GPR161: variants seen among roughly 807,000 people sequenced by gnomAD.
GPR161 encodes the protein G-protein coupled receptor RE2.
GPR161 carries 25 observed loss-of-function variants against 39.2 expected under a neutral mutation model. That is an observed-to-expected ratio of 0.64 (90% confidence interval 0.47 to 0.89). The LOEUF (loss-of-function observed/expected upper bound fraction) is 0.89, where lower values mean the gene tolerates loss of function less well. Among genes scored for constraint, GPR161 ranks in the 40% least tolerant of loss-of-function variants. The probability of loss-of-function intolerance (pLI) is 0.00; values close to 1 mark genes in which losing one functional copy is unlikely to be tolerated. For missense variants in GPR161, 547 were observed against 677.8 expected (o/e 0.81, Z 2.14); for synonymous variants, 286 against 276.6 (o/e 1.03, Z -0.34).
intron 1 of GPR161, among the ~76,000 whole-genome samples, chr1:168,108,142 T>C (rs1696776633): frequency 6.6e-6 from 1 of 151,996 alleles, no homozygotes; most frequent in African/African-American, 2.4e-5. Flanking sequence ...GCAGATCACA[T>C]AAGGAGAGGG....
At chr1:168,102,648 A>G (rs1310889051) in intron 2 of GPR161, among the ~76,000 whole-genome samples, 1 of 152,146 alleles carries the variant, frequency 6.6e-6, no homozygotes, top group African/African-American at 2.4e-5. Context: ...CCCAGATTTA[A>G]GCAAGCAGCT....
chr1:168,136,132 C>T (rs1381074296), intron 1 of GPR161: 3 of 1,263,880 alleles, frequency 2.4e-6, no homozygotes, highest in Non-Finnish European at 3.0e-6. Flanking sequence ...AATCTCCCTC[C>T]CGCAGATCTG....
intron 1 of GPR161, among the ~76,000 whole-genome samples, chr1:168,132,755 G>T (rs888419395): frequency 5.3e-5 from 8 of 151,996 alleles, no homozygotes; most frequent in African/African-American, 1.7e-4. Flanking sequence ...TTGTTGGTTG[G>T]TTTTTTAAGA....
intron 1 of GPR161, chr1:168,135,024 A>T: frequency 1.3e-6 from 2 of 1,530,872 alleles, no homozygotes; most frequent in South Asian, 2.4e-5. Flanking sequence ...CAGAGGACGC[A>T]CAGTGCACCA....
intron 1 of GPR161, among the ~76,000 whole-genome samples, chr1:168,121,580 C>G (rs536058715): frequency 6.6e-6 from 1 of 152,318 alleles, no homozygotes; most frequent in South Asian, 2.1e-4. Flanking sequence ...ATGATGAAGA[C>G]AGCTCACTCA....
Position 168,085,549 on chromosome 1 carries a change from T to C in GPR161, c.1572A>G (p.Leu524=). The part of the protein sequence containing the change: ...QLQSIEEGDV[L]AAEQR The stretch of plus-strand genomic sequence containing the variant: ...GAGGCCCTCATCTCTGCTCGGCAGC[T>C]AAAACATCTCCTTCTTCGATGCTCT... Residue 524 remains leucine (L), a synonymous_variant, in exon 6 of 6, where the codon TTA becomes TTG. Coordinates refer to ENST00000682931, the MANE Select transcript of GPR161 (RefSeq NM_001375883.1). The C allele has an allele frequency of 6.2e-7, 1 of 1,613,154 alleles. No homozygotes were observed. The highest frequency in any genetic ancestry group is 1.3e-5 in the African/African-American group (1 of 75,072).
At chr1:168,090,831 G>C (rs779797184) in intron 3 of GPR161, among the ~76,000 whole-genome samples, 163 bp from the exon 4 acceptor site, 2 of 152,150 alleles carry the variant, frequency 1.3e-5, no homozygotes, top group Non-Finnish European at 2.9e-5. Flanking sequence ...CTCCTGGCTC[G>C]CCCCTCTTTT....
Position 168,083,189 on chromosome 1 carries a change from C to T in GPR161, c.*2342G>A, listed in dbSNP as rs1175803384. Reference sequence around the variant, plus strand: ...GCCTACAGAGCCTAGCCTGGTGCTTCGCATACACTGGATGTGCAGTGTCTG... The same window carrying T: ...GCCTACAGAGCCTAGCCTGGTGCTTTGCATACACTGGATGTGCAGTGTCTG... On this transcript the variant is annotated 3_prime_UTR_variant, in exon 6 of 6. Transcript: ENST00000682931. 1 of 152,214 alleles carries T rather than the reference C, an allele frequency of 6.6e-6. No individual in the cohort carries two copies. Among genetic ancestry groups the T allele is most frequent in the East Asian group, 1.9e-4 (1 of 5,196 alleles). The allele number at this position is 152,214 out of a possible 1,614,324, so 9.4% of individuals were successfully genotyped here. A position where few individuals can be genotyped will look rare whatever the true frequency, so the allele number is the denominator to read the frequency against.
intron 1 of GPR161, among the ~76,000 whole-genome samples, chr1:168,110,426 G>C (rs1697015438): frequency 6.7e-6 from 1 of 150,344 alleles, no homozygotes; most frequent in Non-Finnish European, 1.5e-5. Context: ...CAGAGCCCAG[G>C]AGGTTGAGGC....
chr1:168,136,684 T>C (rs1699404817), intron 1 of GPR161, 55 bp downstream of exon 1: 1 of 1,117,408 alleles, frequency 8.9e-7, no homozygotes, highest in African/African-American at 1.6e-5. Flanking sequence ...CCTGGCTCCA[T>C]CCGGACCGCC....
rs1694014660 is a variant in GPR161, at chr1:168,080,850, A to G, written c.*4681T>C. 1 of 152,242 alleles carries G rather than the reference A, an allele frequency of 6.6e-6. No individual in the cohort carries two copies. The highest frequency in any genetic ancestry group is 1.5e-5 in the Non-Finnish European group (1 of 68,208). 9.4% of individuals were successfully genotyped at this position (152,242 alleles called of 1,614,324 possible). A position where few individuals can be genotyped will look rare whatever the true frequency, so the allele number is the denominator to read the frequency against. ...CTTTGTACAAACAGGCCAGTAGCAT[A>G]GAGGATAGACTTTTTCTTTTTTTTC... is the stretch of plus-strand genomic sequence containing the variant. On this transcript the variant is annotated 3_prime_UTR_variant, in exon 6 of 6. Transcript: ENST00000682931.
intron 2 of GPR161, 101 bp from the exon 3 acceptor site, chr1:168,097,333 T>C (rs902970602): frequency 8.0e-7 from 1 of 1,248,106 alleles, no homozygotes; most frequent in African/African-American, 1.5e-5. Context: ...TGGATGTTTC[T>C]AAAAGCAGCA....
chr1:168,130,556 T>C (rs1698912376), intron 1 of GPR161, among the ~76,000 whole-genome samples: 1 of 152,190 alleles, frequency 6.6e-6, no homozygotes, highest in Non-Finnish European at 1.5e-5. Flanking sequence ...CATGAGCCAA[T>C]AGCTTTCCTT....
At chr1:168,087,800 G>T in intron 4 of GPR161, 96 bp from the exon 5 acceptor site, 1 of 1,269,160 alleles carries the variant, frequency 7.9e-7, no homozygotes, top group Non-Finnish European at 1.1e-6. Flanking sequence ...CTCTTCTCCC[G>T]TTCATCCAAA....
At chr1:168,129,893 C>A (rs1698859685) in intron 1 of GPR161, among the ~76,000 whole-genome samples, 1 of 152,180 alleles carries the variant, frequency 6.6e-6, no homozygotes, top group Non-Finnish European at 1.5e-5. Context: ...TAGCCAAAGT[C>A]AAAATAAATG....
chr1:168,104,299 A>G (rs1449129809), intron 2 of GPR161, among the ~76,000 whole-genome samples, 178 bp downstream of exon 2: 1 of 152,172 alleles, frequency 6.6e-6, no homozygotes, highest in East Asian at 1.9e-4. Context: ...ACATCCACAG[A>G]CAAAACGAGA....
At chr1:168,121,727 C>T (rs1024697860) in intron 1 of GPR161, among the ~76,000 whole-genome samples, 2 of 152,228 alleles carry the variant, frequency 1.3e-5, no homozygotes, top group African/African-American at 4.8e-5. Context: ...ACTGTTTCAG[C>T]TGCACATTAG....
At chr1:168,090,140 G>A (rs1013642781) in intron 4 of GPR161, among the ~76,000 whole-genome samples, 1 of 152,186 alleles carries the variant, frequency 6.6e-6, no homozygotes, top group Non-Finnish European at 1.5e-5. Context: ...GGGGAAAGTT[G>A]AGGGTTTAGG....
intron 1 of GPR161, among the ~76,000 whole-genome samples, chr1:168,111,375 A>G (rs1257879456): frequency 6.6e-6 from 1 of 152,206 alleles, no homozygotes; most frequent in African/African-American, 2.4e-5. Context: ...TTCTTCTTGC[A>G]GTTCTGGCAG....
Sources: gnomAD v4.1 joint callset for allele counts (sites outside exome capture counted in the v4.1 genomes callset) on GRCh38, gnomAD v4.1.1 for gene constraint, MANE v1.5 for transcripts, NCBI Gene and HGNC (gene_info 2026-07-23, HGNC 2026-07-21) for gene names.